The following ATP8A2 variants were observed in gnomAD, a reference collection of about 807,000 sequenced individuals.
ATP8A2 encodes the protein ATPase phospholipid transporting 8A2.
In ATP8A2, 100 loss-of-function variants were observed where a neutral mutation model predicts 165.6. That is an observed-to-expected ratio of 0.60 (90% CI 0.51 to 0.71). The LOEUF (loss-of-function observed/expected upper bound fraction) is 0.71. ATP8A2 is among the 30% of genes least tolerant of loss of function. The pLI, the probability that ATP8A2 is intolerant of heterozygous loss-of-function variation, is 0.00. For synonymous variants in ATP8A2, 543 were observed against 548.8 expected, an observed-to-expected ratio of 0.99 and a Z score of 0.15; for missense variants, 1,227 against 1,479.5, an observed-to-expected ratio of 0.83 and a Z score of 2.80.
At chr13:25,728,045 C>G (rs1487235062) in intron 25 of ATP8A2, among the ~76,000 whole-genome samples, 1 of 152,198 alleles carries the variant, frequency 6.6e-6, no homozygotes, top group Admixed American at 6.5e-5. Flanking sequence ...AGGTCACCCA[C>G]AAGTTCCCTT....
chr13:25,778,317 T>C (rs1307008547), intron 27 of ATP8A2, among the ~76,000 whole-genome samples: 1 of 152,240 alleles, frequency 6.6e-6, no homozygotes, highest in Non-Finnish European at 1.5e-5. Flanking sequence ...ACAAGTTATT[T>C]GTTGCTGACA....
intron 24 of ATP8A2, among the ~76,000 whole-genome samples, chr13:25,681,530 C>A (rs1259460182): frequency 6.6e-6 from 1 of 152,238 alleles, no homozygotes; most frequent in East Asian, 1.9e-4. Context: ...TTTGTTCAGT[C>A]CACGCAGGGA....
At chr13:25,993,610 T>C (rs1209200538) in intron 35 of ATP8A2, among the ~76,000 whole-genome samples, 4 of 152,244 alleles carry the variant, frequency 2.6e-5, no homozygotes, top group African/African-American at 9.6e-5. Flanking sequence ...AAAGGCTTTC[T>C]TCCACTGAAT....
chr13:25,921,618 T>C, intron 33 of ATP8A2, among the ~76,000 whole-genome samples: 1 of 86,164 alleles, frequency 1.2e-5, no homozygotes, highest in African/African-American at 4.3e-5. Flanking sequence ...CTAGACTCTG[T>C]CTCAAAAAAA....
At chr13:25,423,575 G>A (rs989157529) in intron 1 of ATP8A2, among the ~76,000 whole-genome samples, 18 of 152,226 alleles carry the variant, frequency 1.2e-4, no homozygotes, top group African/African-American at 3.4e-4. Flanking sequence ...GACAATCTAC[G>A]AGAGTACCCA....
At chr13:25,508,623 G>A (rs2037125048) in intron 2 of ATP8A2, among the ~76,000 whole-genome samples, 1 of 152,236 alleles carries the variant, frequency 6.6e-6, no homozygotes, top group Non-Finnish European at 1.5e-5. Context: ...GAATACGTGT[G>A]TTGAGACATC....
intron 25 of ATP8A2, among the ~76,000 whole-genome samples, chr13:25,712,495 G>A (rs767412031): frequency 5.9e-5 from 9 of 152,196 alleles, no homozygotes; most frequent in Non-Finnish European, 1.0e-4. Flanking sequence ...GGTGACTGGC[G>A]GGGCCAGACT....
At chr13:25,773,403 C>T (rs957622129) in intron 26 of ATP8A2, among the ~76,000 whole-genome samples, 8 of 152,274 alleles carry the variant, frequency 5.3e-5, no homozygotes, top group African/African-American at 1.7e-4. Context: ...GCAAGGTTTA[C>T]ACTTTTTGGG....
intron 24 of ATP8A2, among the ~76,000 whole-genome samples, chr13:25,611,571 A>G (rs2040688855): frequency 6.6e-6 from 1 of 152,124 alleles, no homozygotes; most frequent in Non-Finnish European, 1.5e-5. Context: ...GGATGTTTGC[A>G]TCTATGTTCA....
intron 1 of ATP8A2, among the ~76,000 whole-genome samples, chr13:25,452,529 G>A (rs1007876619): frequency 3.3e-5 from 5 of 151,834 alleles, no homozygotes; most frequent in Non-Finnish European, 5.9e-5. Context: ...TTGATACCCC[G>A]TTTCAGGCTG....
intron 27 of ATP8A2, among the ~76,000 whole-genome samples, chr13:25,804,542 T>C (rs1950688968): frequency 6.6e-6 from 1 of 152,208 alleles, no homozygotes; most frequent in Non-Finnish European, 1.5e-5. Context: ...AGGACTAGAA[T>C]GTGTGGCTAG....
intron 27 of ATP8A2, among the ~76,000 whole-genome samples, chr13:25,784,172 G>C (rs1172796733): frequency 5.5e-5 from 3 of 54,074 alleles, no homozygotes; most frequent in Non-Finnish European, 1.1e-4. Flanking sequence ...AATGTTTTTA[G>C]GCATTGATGG....
At chr13:25,658,496 G>A (rs531567795) in intron 24 of ATP8A2, among the ~76,000 whole-genome samples, 7 of 152,164 alleles carry the variant, frequency 4.6e-5, no homozygotes, top group Admixed American at 1.3e-4. Flanking sequence ...AAAATTAGCC[G>A]GGGGTGGTGG....
At chr13:25,563,515 G>A (rs1163702492) in intron 15 of ATP8A2, among the ~76,000 whole-genome samples, 2 of 152,034 alleles carry the variant, frequency 1.3e-5, no homozygotes, top group Non-Finnish European at 2.9e-5. Context: ...TTCCTTTCTT[G>A]TAATTATTTG....
intron 25 of ATP8A2, among the ~76,000 whole-genome samples, chr13:25,763,173 A>G (rs753449070): frequency 5.3e-5 from 8 of 152,164 alleles, no homozygotes; most frequent in Non-Finnish European, 8.8e-5. Flanking sequence ...CTCATTTAAC[A>G]ATGGGGTGCA....
rs972358069 is a variant in ATP8A2 at position 25,583,479 on chromosome 13, G to A, written c.2146+1522G>A. ...TTCCCGCTGGCCTAATAACCTATGC[G>A]TGTCACTGGCCCTAGACTGAACTAC... On this transcript the variant is annotated intron_variant, in intron 23 of 36. Coordinates refer to ENST00000381655, the MANE Select transcript of ATP8A2 (RefSeq NM_016529.6). 6.6e-5 allele frequency among the ~76,000 whole-genome samples: 10 copies of A among 152,198 alleles called. 1 individual carries two copies. Among genetic ancestry groups the A allele is most frequent in the South Asian group, 2.1e-4 (1 of 4,818 alleles).
intron 30 of ATP8A2, among the ~76,000 whole-genome samples, chr13:25,840,883 T>C (rs967951523): frequency 1.3e-5 from 2 of 152,198 alleles, no homozygotes; most frequent in Non-Finnish European, 2.9e-5. Context: ...GCCCAGGCTT[T>C]GGTACTTAAG....
intron 33 of ATP8A2, among the ~76,000 whole-genome samples, chr13:25,875,639 C>T (rs1023049217): frequency 6.7e-6 from 1 of 150,226 alleles, no homozygotes; most frequent in Non-Finnish European, 1.5e-5. Flanking sequence ...AAGTCAGTAC[C>T]ACAAACCATA....
At chr13:25,771,016 C>G (rs1442081051) in intron 26 of ATP8A2, among the ~76,000 whole-genome samples, 4 of 152,238 alleles carry the variant, frequency 2.6e-5, no homozygotes, top group African/African-American at 9.6e-5. Context: ...GTTAGATCAC[C>G]TCTCAGGTTT....
Sources: allele counts gnomAD v4.1 joint callset (sites outside exome capture counted in the v4.1 genomes callset), GRCh38; gene constraint gnomAD v4.1.1; transcripts MANE v1.5; gene names NCBI Gene and HGNC (gene_info 2026-07-23, HGNC 2026-07-21).